The following CCDC93 variants were observed in gnomAD, a reference collection of about 807,000 sequenced individuals.
CCDC93 encodes coiled-coil domain-containing protein 93.
CCDC93 carries 61 observed loss-of-function variants against 108.2 expected under a neutral mutation model. The observed-to-expected ratio is 0.56, with a 90% CI of 0.46 to 0.70. The LOEUF (loss-of-function observed/expected upper bound fraction) is 0.70. CCDC93 is among the 30% of genes least tolerant of loss of function. The pLI, the probability that CCDC93 is intolerant of heterozygous loss-of-function variation, is 0.00. For missense variants in CCDC93, 685 were observed against 764.2 expected, an observed-to-expected ratio of 0.90 and a Z score of 1.22; for synonymous variants, 276 against 260.4, an observed-to-expected ratio of 1.06 and a Z score of -0.58.
chr2:117,945,692 G>A, intron 16 of CCDC93, 110 bp from the exon 17 acceptor site: 1 of 858,208 alleles, frequency 1.2e-6, no homozygotes, highest in Non-Finnish European at 1.9e-6. Flanking sequence ...GGGTGCAGCT[G>A]AGAAATGTGT....
At chr2:117,941,073 C>T (rs777388852) in intron 19 of CCDC93, 116 bp downstream of exon 19, 5 of 713,654 alleles carry the variant, frequency 7.0e-6, no homozygotes, top group Non-Finnish European at 1.2e-5. Context: ...CGGAGCTTTC[C>T]GGTGGTGGCC....
intron 22 of CCDC93, chr2:117,934,446 C>T (rs750128437): frequency 3.9e-5 from 6 of 152,190 alleles, no homozygotes; most frequent in African/African-American, 9.7e-5. Context: ...TGACTTATGT[C>T]GTTCTCATTT....
chr2:117,995,174 A>G (rs1418080404), intron 6 of CCDC93, among the ~76,000 whole-genome samples: 1 of 152,200 alleles, frequency 6.6e-6, no homozygotes, highest in Non-Finnish European at 1.5e-5. Flanking sequence ...TGCCATTGGG[A>G]TAAACTAGGA....
At chr2:117,952,079 C>T (rs1469257034) in intron 13 of CCDC93, among the ~76,000 whole-genome samples, 1 of 151,910 alleles carries the variant, frequency 6.6e-6, no homozygotes, top group African/African-American at 2.4e-5. Flanking sequence ...TCTCTGTGCC[C>T]CACCCAGCCT....
intron 8 of CCDC93, among the ~76,000 whole-genome samples, chr2:117,977,163 C>T (rs1347139941): frequency 6.6e-6 from 1 of 152,086 alleles, no homozygotes; most frequent in African/African-American, 2.4e-5. Flanking sequence ...CGGTCTCGAT[C>T]TCCTGACAAT....
At chr2:117,992,588 C>A (rs531074713) in intron 6 of CCDC93, among the ~76,000 whole-genome samples, 1 of 152,184 alleles carries the variant, frequency 6.6e-6, no homozygotes, top group South Asian at 2.1e-4. Flanking sequence ...GCTGCGAACA[C>A]CATTTTATCT....
chr2:117,990,352 T>A (rs35338684), intron 6 of CCDC93, among the ~76,000 whole-genome samples: 9,329 of 152,188 alleles, frequency 0.061, 315 homozygotes, highest in Middle Eastern at 0.15. Context: ...GCAAAGGAGA[T>A]AGGGAGAAGA....
At chr2:117,927,407 A>AGCAAC (rs1678155499) in intron 23 of CCDC93, among the ~76,000 whole-genome samples, 2 of 150,918 alleles carry the variant, frequency 1.3e-5, no homozygotes, top group Admixed American at 6.6e-5. Context: ...AAGCTGATAG[A>AGCAAC]TTCAGCAAAG....
intron 11 of CCDC93, 48 bp from the exon 12 acceptor site, chr2:117,958,529 T>C (rs778126005): frequency 9.1e-7 from 1 of 1,097,500 alleles, no homozygotes. Flanking sequence ...TTAGTTGACC[T>C]TGGTTCATGT....
chr2:117,955,829 A>G (rs1679200005), intron 12 of CCDC93, among the ~76,000 whole-genome samples: 1 of 152,224 alleles, frequency 6.6e-6, no homozygotes, highest in South Asian at 2.1e-4. Context: ...TTTTGTAACC[A>G]TACAAGTCAC....
intron 7 of CCDC93, among the ~76,000 whole-genome samples, chr2:117,983,916 G>A (rs997232691): frequency 6.6e-6 from 1 of 152,066 alleles, no homozygotes; most frequent in African/African-American, 2.4e-5. Context: ...CTAAAACTCA[G>A]AACCTAAAAA....
At chr2:117,994,341 T>C (rs1399309225) in intron 6 of CCDC93, among the ~76,000 whole-genome samples, 3 of 152,228 alleles carry the variant, frequency 2.0e-5, no homozygotes, top group Non-Finnish European at 4.4e-5. Context: ...TATTGTTTAA[T>C]ACTGCCACCA....
chr2:118,004,456 C>T (rs1040386329), intron 3 of CCDC93, among the ~76,000 whole-genome samples: 1 of 152,190 alleles, frequency 6.6e-6, no homozygotes, highest in African/African-American at 2.4e-5. Flanking sequence ...TGAGAGACAA[C>T]CATGCCGTCA....
At chr2:117,946,963 C>T in intron 15 of CCDC93, 81 bp from the exon 16 acceptor site, 2 of 1,021,898 alleles carry the variant, frequency 2.0e-6, no homozygotes, top group Non-Finnish European at 3.1e-6. Context: ...GTCCACAAGT[C>T]TTATTTTCAC....
chr2:117,975,872 C>G (rs1679928423), intron 8 of CCDC93, among the ~76,000 whole-genome samples: 1 of 152,156 alleles, frequency 6.6e-6, no homozygotes, highest in Non-Finnish European at 1.5e-5. Context: ...ACTGCCTTAT[C>G]TAATGATCAA....
chr2:117,993,631 G>A (rs1680555841), intron 6 of CCDC93, among the ~76,000 whole-genome samples: 1 of 152,190 alleles, frequency 6.6e-6, no homozygotes, highest in Non-Finnish European at 1.5e-5. Context: ...TCATTCCAGA[G>A]ATGAAGTAAC....
At chr2:118,011,444 AAAT>A (rs534612619) in intron 1 of CCDC93, among the ~76,000 whole-genome samples, 2 of 152,288 alleles carry the variant, frequency 1.3e-5, no homozygotes, top group Admixed American at 1.3e-4. Context: ...TAAGTAATAT[AAAT>A]AATTCACACC....
rs1362384658 is a variant in CCDC93 at position 117,920,031 on chromosome 2, A to C, written c.*312T>G. 8.5e-6 allele frequency: 2 copies of C among 233,932 alleles called. No homozygotes were observed. The highest frequency in any genetic ancestry group is 1.4e-4 in the South Asian group (1 of 7,342). 14.5% of individuals were successfully genotyped at this position (233,932 alleles called of 1,614,324 possible). A position where few individuals can be genotyped will look rare whatever the true frequency, so the allele number is the denominator to read the frequency against. On this transcript the variant is annotated 3_prime_UTR_variant, in exon 24 of 24. Transcript: ENST00000376300. The stretch of plus-strand genomic sequence containing the variant: ...ATGAATTCTTCTTTATTCAGAGTCC[A>C]TACAAATACAGGTACCTTCATAAGC...
At chr2:117,994,716 T>C (rs1008934846) in intron 6 of CCDC93, among the ~76,000 whole-genome samples, 9 of 152,226 alleles carry the variant, frequency 5.9e-5, no homozygotes, top group African/African-American at 1.9e-4. Flanking sequence ...GGGTGGCATA[T>C]TAATACAAGA....
Sources: allele counts gnomAD v4.1 joint callset (sites outside exome capture counted in the v4.1 genomes callset), GRCh38; gene constraint gnomAD v4.1.1; transcripts MANE v1.5; gene names NCBI Gene and HGNC (gene_info 2026-07-23, HGNC 2026-07-21).